The following GPHN variants were observed in gnomAD, a reference collection of about 807,000 sequenced individuals.
The protein encoded by GPHN is gephyrin.
Under a neutral mutation model 95.5 loss-of-function variants are expected in GPHN, and 17 were observed. The observed-to-expected ratio is 0.18, with a 90% CI of 0.12 to 0.27. The LOEUF is 0.27. Among genes scored for constraint, GPHN ranks in the 10% least tolerant of loss-of-function variants. The pLI is 1.00. For missense variants in GPHN, 660 were observed against 978.1 expected, an observed-to-expected ratio of 0.67 and a Z score of 4.34; for synonymous variants, 320 against 322.5, an observed-to-expected ratio of 0.99 and a Z score of 0.08.
the GPHN span, chr14:67,393,273 C>G: frequency 2.7e-6 from 4 of 1,494,454 alleles, no homozygotes; most frequent in Admixed American, 1.7e-5. Context: ...GGAGAGGGAA[C>G]CCTCATCACG....
the GPHN span, among the ~76,000 whole-genome samples, chr14:67,236,607 G>C: frequency 6.6e-6 from 1 of 152,204 alleles, no homozygotes; most frequent in Non-Finnish European, 1.5e-5. Flanking sequence ...GGTGCAGATA[G>C]TGGGACCTTC....
intron 3 of GPHN, among the ~76,000 whole-genome samples, chr14:66,800,579 T>G (rs928557218): frequency 7.7e-6 from 1 of 130,180 alleles, no homozygotes; most frequent in South Asian, 2.3e-4. Flanking sequence ...TTATTTGTAG[T>G]TTTTTTTTTA....
the GPHN span, among the ~76,000 whole-genome samples, chr14:67,620,447 C>G: frequency 6.6e-6 from 1 of 151,928 alleles, no homozygotes; most frequent in African/African-American, 2.4e-5. Context: ...GTCAGAATCC[C>G]CAGTGGAGAA....
chr14:66,509,470 T>G (rs1280045265), intron 1 of GPHN: 1 of 152,276 alleles, frequency 6.6e-6, no homozygotes, highest in Non-Finnish European at 1.5e-5. Context: ...TCTGCATGTC[T>G]GATTCCGTTG....
chr14:66,760,939 T>C, intron 2 of GPHN: 1 of 865,076 alleles, frequency 1.2e-6, no homozygotes. Context: ...CGAGCCTCTT[T>C]TGCAGGCAAA....
the GPHN span, among the ~76,000 whole-genome samples, chr14:67,239,357 C>T: frequency 6.6e-6 from 1 of 152,106 alleles, no homozygotes; most frequent in Admixed American, 6.6e-5. Flanking sequence ...TTGATTGTCA[C>T]ATTGGGGAGG....
chr14:67,179,940 G>A (rs182565538), intron 22 of GPHN, among the ~76,000 whole-genome samples: 1 of 152,210 alleles, frequency 6.6e-6, no homozygotes, highest in East Asian at 1.9e-4. Flanking sequence ...AATAAATCTG[G>A]AATTACAGAA....
intron 9 of GPHN, among the ~76,000 whole-genome samples, chr14:67,002,999 C>G (rs1294809539): frequency 3.3e-5 from 5 of 151,514 alleles, no homozygotes; most frequent in Non-Finnish European, 5.9e-5. Flanking sequence ...CTTCTTTTTC[C>G]TAGTCATTGT....
At chr14:67,687,109 C>T in the GPHN span, among the ~76,000 whole-genome samples, 1 of 152,196 alleles carries the variant, frequency 6.6e-6, no homozygotes, top group African/African-American at 2.4e-5. Flanking sequence ...AGTCAACAAG[C>T]TTTCCCAAAC....
At chr14:67,186,544 C>G (rs150400440), downstream of GPHN, among the ~76,000 whole-genome samples, 1 of 152,178 alleles carries the variant, frequency 6.6e-6, no homozygotes, top group Non-Finnish European at 1.5e-5. Context: ...TTAGGGGAAT[C>G]ACAGCTTAGA....
chr14:67,002,308 G>GATTTTTTTTTTTT (rs1453572994), intron 9 of GPHN, among the ~76,000 whole-genome samples: 1 of 70,486 alleles, frequency 1.4e-5, no homozygotes, highest in Non-Finnish European at 2.9e-5. Flanking sequence ...TCTTTGTGTT[G>GATTTTTTTTTTTT]CTTTTTTTTT....
intron 9 of GPHN, among the ~76,000 whole-genome samples, chr14:67,009,134 A>G (rs1262416633): frequency 6.6e-6 from 1 of 152,110 alleles, no homozygotes; most frequent in East Asian, 1.9e-4. Context: ...TTTCATTAGA[A>G]ATCACCTGTC....
At chr14:67,248,796 C>G in the GPHN span, among the ~76,000 whole-genome samples, 1 of 152,138 alleles carries the variant, frequency 6.6e-6, no homozygotes, top group African/African-American at 2.4e-5. Context: ...GATTTGACCT[C>G]TGGACTTAGT....
chr14:67,358,488 T>C, the GPHN span, among the ~76,000 whole-genome samples: 1 of 151,798 alleles, frequency 6.6e-6, no homozygotes, highest in East Asian at 1.9e-4. Context: ...AGGACCACAA[T>C]AAAAGGGTCT....
the GPHN span, among the ~76,000 whole-genome samples, chr14:67,300,336 CT>C: frequency 1.4e-4 from 20 of 138,988 alleles, no homozygotes; most frequent in Middle Eastern, 3.7e-3. Flanking sequence ...TATGAATTAC[CT>C]TTTTTTTTTT....
intron 1 of GPHN, among the ~76,000 whole-genome samples, chr14:66,517,850 A>G (rs1245701222): frequency 6.6e-6 from 1 of 152,166 alleles, no homozygotes; most frequent in South Asian, 2.1e-4. Context: ...AGAAGAAAAC[A>G]TAGGGGAAAT....
At chr14:67,593,894 A>G in the GPHN span, 2 of 1,613,654 alleles carry the variant, frequency 1.2e-6, no homozygotes, top group South Asian at 1.1e-5. Flanking sequence ...CACAAAATGG[A>G]GATAACCAAG....
chr14:67,726,175 T>TA, the GPHN span: 1 of 1,420,126 alleles, frequency 7.0e-7, no homozygotes, highest in Non-Finnish European at 1.0e-6. Context: ...TTTGGGTGAC[T>TA]AAAAAATGAG....
chr14:67,506,797 A>ATCTCT, the GPHN span, among the ~76,000 whole-genome samples: 1 of 152,188 alleles, frequency 6.6e-6, no homozygotes, highest in Non-Finnish European at 1.5e-5. Flanking sequence ...CATCCTGGCC[A>ATCTCT]ACGTGGTGAA....
Sources: allele counts gnomAD v4.1 joint callset (sites outside exome capture counted in the v4.1 genomes callset), GRCh38; gene constraint gnomAD v4.1.1; transcripts MANE v1.5; gene names NCBI Gene and HGNC (gene_info 2026-07-23, HGNC 2026-07-21).